Variants in GATM observed in about 807,000 individuals in gnomAD.
GATM encodes the protein glycine amidinotransferase.
A neutral mutation model predicts 54.2 loss-of-function variants in GATM; 23 were observed. The ratio of observed to expected loss-of-function variants is 0.42; its 90% CI spans 0.31 to 0.60. The LOEUF is 0.60. GATM is among the 20% of genes least tolerant of loss of function. GATM has a pLI of 0.14. For missense variants in GATM, 401 were observed against 544.9 expected (o/e 0.74, Z 2.63); for synonymous variants, 168 against 183.1 (o/e 0.92, Z 0.67).
chr15:45,383,476 A>AT (rs900933138), upstream of GATM, among the ~76,000 whole-genome samples: 1 of 151,962 alleles, frequency 6.6e-6, no homozygotes, highest in African/African-American at 2.4e-5. Context: ...GGATCTTCTT[A>AT]TTTTTTTTAC....
chr15:45,383,309 A>G (rs1397009935), upstream of GATM, among the ~76,000 whole-genome samples: 2 of 152,256 alleles, frequency 1.3e-5, no homozygotes, highest in Non-Finnish European at 2.9e-5. Context: ...CCAATGAGGT[A>G]GATTCTTTCA....
chr15:45,370,624 G>GA (rs879338242), intron 2 of GATM, among the ~76,000 whole-genome samples: 1 of 151,790 alleles, frequency 6.6e-6, no homozygotes, highest in African/African-American at 2.4e-5. Flanking sequence ...TTTAATAACT[G>GA]AAAAAAAATT....
intron 4 of GATM, among the ~76,000 whole-genome samples, chr15:45,366,983 A>G (rs971658594): frequency 1.6e-4 from 24 of 152,214 alleles, no homozygotes; most frequent in Admixed American, 1.6e-3. Flanking sequence ...AGAGTTCAGT[A>G]TCAGCATCCA....
chr15:45,378,293 C>T, intron 1 of GATM, 92 bp downstream of exon 1: 3 of 964,986 alleles, frequency 3.1e-6, no homozygotes, highest in Non-Finnish European at 4.5e-6. Context: ...GGGAAGGTGG[C>T]GGCTCCGGGC....
intron 3 of GATM, among the ~76,000 whole-genome samples, chr15:45,393,847 G>T (rs1666604102): frequency 6.6e-6 from 1 of 152,088 alleles, no homozygotes; most frequent in South Asian, 2.1e-4. Flanking sequence ...TTGCATTTTG[G>T]ATTTCTGGAT....
chr15:45,389,757 A>G (rs1889847719), intron 3 of GATM, among the ~76,000 whole-genome samples: 1 of 152,254 alleles, frequency 6.6e-6, no homozygotes, highest in South Asian at 2.1e-4. Flanking sequence ...TATTCTTACA[A>G]AGGCATCCAG....
chr15:45,383,830 C>T (rs1438227313), intron 3 of GATM, among the ~76,000 whole-genome samples: 1 of 152,182 alleles, frequency 6.6e-6, no homozygotes, highest in Non-Finnish European at 1.5e-5. Flanking sequence ...GCATGAGCCA[C>T]CATGCCCGGC....
At chr15:45,372,832 C>T (rs1048145314) in intron 2 of GATM, among the ~76,000 whole-genome samples, 4 of 152,316 alleles carry the variant, frequency 2.6e-5, no homozygotes, top group South Asian at 2.1e-4. Context: ...GGGCACAATA[C>T]GTTTTACAAG....
chr15:45,368,661 A>T lies in GATM; in HGVS notation c.485-401T>A, dbSNP rs962126791. On this transcript the variant is annotated intron_variant, in intron 3 of 8. Transcript: ENST00000396659. This position sits in a 1 kb window ranked among gnomAD's most constrained non-coding sequence, Gnocchi z 5.1. Reference sequence around the variant, plus strand: ...TATAATATTACCTCTTTTTTTGGTTAAAAAAATTGCTAGAAATACATGTGT... The same window carrying T: ...TATAATATTACCTCTTTTTTTGGTTTAAAAAATTGCTAGAAATACATGTGT... Among the ~76,000 whole-genome samples, 7 of 146,664 alleles carry T rather than the reference A, an allele frequency of 4.8e-5. No homozygotes were observed. Among genetic ancestry groups the T allele is most frequent in the African/African-American group, 1.9e-4 (7 of 36,532 alleles).
chr15:45,387,966 A>G (rs1263628591), intron 3 of GATM, among the ~76,000 whole-genome samples: 1 of 152,190 alleles, frequency 6.6e-6, no homozygotes, highest in African/African-American at 2.4e-5. Flanking sequence ...TTCCAAGTCT[A>G]GCAAAATGGT....
intron 3 of GATM, among the ~76,000 whole-genome samples, chr15:45,392,331 C>A (rs907612736): frequency 1.9e-4 from 29 of 152,196 alleles, no homozygotes; most frequent in African/African-American, 6.8e-4. Flanking sequence ...TACGTGACTA[C>A]AACACTCTTG....
intron 2 of GATM, among the ~76,000 whole-genome samples, chr15:45,374,992 T>C (rs1449901590): frequency 1.3e-5 from 2 of 152,226 alleles, no homozygotes; most frequent in African/African-American, 4.8e-5. Context: ...GGAATCCTTA[T>C]GCAGTATAGA....
chr15:45,385,061 G>A (rs1270264128), intron 3 of GATM, among the ~76,000 whole-genome samples: 1 of 152,154 alleles, frequency 6.6e-6, no homozygotes, highest in Admixed American at 6.5e-5. Flanking sequence ...TGCGTATCTA[G>A]ACAGTGCCCA....
rs1319326196 is a variant in GATM at position 45,363,947 on chromosome 15, A to G, written c.1112T>C (p.Met371Thr). Reference protein sequence around the residue: ...NVLMLDEKRVMVDANEVPIQK... With the variant: ...NVLMLDEKRVTVDANEVPIQK... ...AATTGGAACTTCATTGGCATCCACC[A>G]TAACACGTTTTTCATCTAGCATTAA... The change falls in exon 8 of 9, where the codon ATG becomes ACG. Residue 371 changes from methionine (M) to threonine (T), a missense_variant. Met to Thr is a moderately conservative substitution (Grantham distance 81, BLOSUM62 -1). Around this residue, in one of 3 missense-constraint regions of GATM, gnomAD observed 321 missense variants for 457.5 expected, o/e 0.70. Coordinates refer to ENST00000396659, the MANE Select transcript of GATM (RefSeq NM_001482.3). 1 of 1,613,728 alleles carries G rather than the reference A, an allele frequency of 6.2e-7. No individual in the cohort carries two copies. Among genetic ancestry groups the G allele is most frequent in the Admixed American group, 1.7e-5 (1 of 60,024 alleles).
At chr15:45,377,072 C>T in intron 1 of GATM, 2 of 511,054 alleles carry the variant, frequency 3.9e-6, no homozygotes, top group Non-Finnish European at 3.6e-6. Flanking sequence ...CTCAGAAGAC[C>T]GTGTCCCCAG....
intron 4 of GATM, 129 bp from the exon 5 acceptor site, chr15:45,366,637 A>G: frequency 9.9e-7 from 1 of 1,015,184 alleles, no homozygotes; most frequent in South Asian, 1.4e-5. Flanking sequence ...CTAGACTAAA[A>G]CATGCCTGGG....
At chr15:45,393,693 T>C (rs1242606470) in intron 3 of GATM, among the ~76,000 whole-genome samples, 1 of 152,238 alleles carries the variant, frequency 6.6e-6, no homozygotes, top group Non-Finnish European at 1.5e-5. Context: ...TTTTGGACTT[T>C]GGATTTTTTT....
At chr15:45,386,316 T>C (rs138620619) in intron 3 of GATM, among the ~76,000 whole-genome samples, 1 of 152,382 alleles carries the variant, frequency 6.6e-6, no homozygotes, top group East Asian at 1.9e-4. Context: ...ATATTCTTCT[T>C]TCTGCTTTTC....
At chr15:45,388,938 G>C (rs1307893936) in intron 3 of GATM, among the ~76,000 whole-genome samples, 1 of 152,178 alleles carries the variant, frequency 6.6e-6, no homozygotes, top group East Asian at 1.9e-4. Context: ...CTGCAAGGAA[G>C]ATTTATCTCT....
Sources: gnomAD v4.1 joint callset for allele counts (sites outside exome capture counted in the v4.1 genomes callset) on GRCh38, gnomAD v4.1.1 for gene constraint, gnomAD v4.1.1 regional missense constraint, Gnocchi (gnomAD v3.1) non-coding constraint, MANE v1.5 for transcripts, NCBI Gene and HGNC (gene_info 2026-07-23, HGNC 2026-07-21) for gene names.